PSMD1: variants seen among roughly 807,000 people sequenced by gnomAD.
The protein encoded by PSMD1 is 26S proteasome non-ATPase regulatory subunit 1.
PSMD1 carries 18 observed loss-of-function variants against 119.0 expected under a neutral mutation model. The observed-to-expected ratio is 0.15, with a 90% confidence interval of 0.10 to 0.22. The LOEUF (loss-of-function observed/expected upper bound fraction) is 0.22. PSMD1 is among the 10% of genes least tolerant of loss of function. PSMD1 has a pLI of 1.00. For missense variants in PSMD1, 702 were observed against 1,158.5 expected, an observed-to-expected ratio of 0.61 and a Z score of 5.72; for synonymous variants, 374 against 396.6, an observed-to-expected ratio of 0.94 and a Z score of 0.68.
intron 11 of PSMD1, among the ~76,000 whole-genome samples, 158 bp downstream of exon 11, chr2:231,079,772 G>T (rs1010087139): frequency 1.3e-5 from 2 of 152,136 alleles, no homozygotes; most frequent in Admixed American, 6.5e-5. Context: ...AGATACTGAA[G>T]TATTTATATG....
At chr2:231,101,546 T>C (rs1336363508) in intron 16 of PSMD1, among the ~76,000 whole-genome samples, 1 of 152,228 alleles carries the variant, frequency 6.6e-6, no homozygotes. Context: ...TAAGAGAGGA[T>C]TGACTACACT....
chr2:231,162,335 AACTG>A (rs1183262689), intron 20 of PSMD1, among the ~76,000 whole-genome samples: 2 of 152,250 alleles, frequency 1.3e-5, no homozygotes, highest in Admixed American at 6.5e-5. Context: ...TTAGGCTTAA[AACTG>A]ACTGGTAAAA....
At chr2:231,058,075 A>C (rs1452715257) in intron 1 of PSMD1, among the ~76,000 whole-genome samples, 1 of 152,228 alleles carries the variant, frequency 6.6e-6, no homozygotes, top group East Asian at 1.9e-4. Flanking sequence ...CAAACATTTG[A>C]AGAGCTGTCA....
intron 19 of PSMD1, among the ~76,000 whole-genome samples, chr2:231,154,120 C>CAA (rs555625383): frequency 4.7e-5 from 7 of 150,074 alleles, no homozygotes; most frequent in African/African-American, 1.7e-4. Flanking sequence ...TCTCCAAAAA[C>CAA]AAAAAAACCA....
intron 10 of PSMD1, among the ~76,000 whole-genome samples, chr2:231,079,239 T>A (rs1252765541): frequency 6.6e-6 from 1 of 152,342 alleles, no homozygotes; most frequent in Non-Finnish European, 1.5e-5. Context: ...TAAGGTAAAA[T>A]TAATTCCTTT....
chr2:231,139,964 C>G (rs1157630950), intron 17 of PSMD1, among the ~76,000 whole-genome samples: 1 of 152,184 alleles, frequency 6.6e-6, no homozygotes, highest in Non-Finnish European at 1.5e-5. Context: ...CACTTTGACT[C>G]TCATAGCACA....
chr2:231,113,672 A>T, intron 16 of PSMD1: 1 of 1,483,006 alleles, frequency 6.7e-7, no homozygotes, highest in Non-Finnish European at 9.4e-7. Context: ...GTATTCTCCT[A>T]GCCAAGTGGA....
chr2:231,156,753 T>C (rs1279986633), intron 19 of PSMD1, among the ~76,000 whole-genome samples: 1 of 152,150 alleles, frequency 6.6e-6, no homozygotes, highest in African/African-American at 2.4e-5. Flanking sequence ...TTGAGATATA[T>C]ATATAGTAAA....
rs760078222 is a variant in PSMD1 at position 231,170,529 on chromosome 2, T to G, written c.2716-37T>G. On this transcript the variant is annotated intron_variant, in intron 23 of 24. Coordinates refer to ENST00000308696, the MANE Select transcript of PSMD1 (RefSeq NM_002807.4). This position sits in a 1 kb window ranked among gnomAD's most constrained non-coding sequence, Gnocchi z 4.1. Reference sequence around the variant, plus strand: ...TCTAGATTGTGGAGCACGCTTGAAATATGAGTGTACGCTTCTGCACGCCCC... The same window carrying G: ...TCTAGATTGTGGAGCACGCTTGAAAGATGAGTGTACGCTTCTGCACGCCCC... 1.3e-6 allele frequency: 2 copies of G among 1,534,950 alleles called. No individual in the cohort carries two copies. Among genetic ancestry groups the G allele is most frequent in the Non-Finnish European group, 1.8e-6 (2 of 1,141,378 alleles).
chr2:231,163,765 A>C (rs756584813), intron 21 of PSMD1, 38 bp downstream of exon 21: 2 of 1,427,680 alleles, frequency 1.4e-6, no homozygotes, highest in Non-Finnish European at 2.0e-6. Flanking sequence ...TTTGTACTTA[A>C]ATATAGGAGC....
At chr2:231,168,715 G>T (rs1696843913) in intron 23 of PSMD1, among the ~76,000 whole-genome samples, 1 of 152,222 alleles carries the variant, frequency 6.6e-6, no homozygotes, top group Non-Finnish European at 1.5e-5. Flanking sequence ...TTTTGAATTA[G>T]ATAGCAGAAG....
At chr2:231,100,757 G>A (rs1008368487) in intron 16 of PSMD1, among the ~76,000 whole-genome samples, 3 of 152,186 alleles carry the variant, frequency 2.0e-5, no homozygotes, top group Non-Finnish European at 2.9e-5. Context: ...GCTTTAAGCA[G>A]CTGTTTCAAT....
intron 16 of PSMD1, among the ~76,000 whole-genome samples, chr2:231,127,512 G>A (rs571315364): frequency 4.6e-5 from 7 of 152,094 alleles, no homozygotes; most frequent in Middle Eastern, 3.4e-3. Flanking sequence ...CTGCCACCAC[G>A]CCTGGCTAAT....
At chr2:231,129,676 T>TA (rs773090973) in intron 16 of PSMD1, among the ~76,000 whole-genome samples, 42 of 152,312 alleles carry the variant, frequency 2.8e-4, no homozygotes, top group Non-Finnish European at 5.1e-4. Flanking sequence ...ACTAAACTGA[T>TA]AAGAGTTAAA....
chr2:231,070,996 T>C (rs1426564337), intron 6 of PSMD1, among the ~76,000 whole-genome samples: 1 of 152,078 alleles, frequency 6.6e-6, no homozygotes, highest in Non-Finnish European at 1.5e-5. Flanking sequence ...AACAAAATAC[T>C]AGAAGAAAAA....
intron 5 of PSMD1, among the ~76,000 whole-genome samples, chr2:231,067,688 G>A (rs189788696): frequency 6.6e-6 from 1 of 150,998 alleles, no homozygotes; most frequent in African/African-American, 2.4e-5. Context: ...ATGGAGTCTC[G>A]CTCTGTCAAC....
intron 16 of PSMD1, chr2:231,113,725 A>G (rs79567472): frequency 1.9e-6 from 3 of 1,612,034 alleles, no homozygotes; most frequent in East Asian, 4.5e-5. Flanking sequence ...CATTCTCTAC[A>G]TACCTATTGA....
At chr2:231,141,231 G>A (rs1482278457) in intron 17 of PSMD1, among the ~76,000 whole-genome samples, 1 of 151,812 alleles carries the variant, frequency 6.6e-6, no homozygotes, top group South Asian at 2.1e-4. Flanking sequence ...AACCCAGGAG[G>A]CAGAGGTTGC....
intron 19 of PSMD1, among the ~76,000 whole-genome samples, chr2:231,155,042 C>G (rs143926672): frequency 1.8e-3 from 274 of 152,242 alleles, no homozygotes; most frequent in African/African-American, 6.1e-3. Context: ...TGACATATGC[C>G]TTAACGTTAT....
Sources: gnomAD v4.1 joint callset for allele counts (sites outside exome capture counted in the v4.1 genomes callset) on GRCh38, gnomAD v4.1.1 for gene constraint, Gnocchi (gnomAD v3.1) non-coding constraint, MANE v1.5 for transcripts, NCBI Gene and HGNC (gene_info 2026-07-23, HGNC 2026-07-21) for gene names.